Variants in ABLIM1 observed in about 807,000 individuals in gnomAD.
ABLIM1 encodes actin binding LIM protein 1.
A neutral mutation model predicts 107.0 loss-of-function variants in ABLIM1; 40 were observed. That is an observed-to-expected ratio of 0.37 (90% CI 0.29 to 0.49). The LOEUF (loss-of-function observed/expected upper bound fraction) is 0.49. Among genes scored for constraint, ABLIM1 ranks in the 20% least tolerant of loss-of-function variants. The probability of loss-of-function intolerance (pLI) is 0.97; values close to 1 mark genes in which losing one functional copy is unlikely to be tolerated. For synonymous variants in ABLIM1, 357 were observed against 357.3 expected (o/e 1.00, Z 0.01); for missense variants, 857 against 1,008.5 (o/e 0.85, Z 2.04).
intron 2 of ABLIM1, among the ~76,000 whole-genome samples, chr10:114,585,246 T>C (rs942028069): frequency 1.3e-5 from 2 of 152,222 alleles, no homozygotes; most frequent in Non-Finnish European, 2.9e-5. Context: ...CTACATTCTC[T>C]ACTATTCCTT....
At chr10:114,742,698 G>A (rs1413015883) in intron 1 of ABLIM1, among the ~76,000 whole-genome samples, 1 of 152,124 alleles carries the variant, frequency 6.6e-6, no homozygotes, top group Non-Finnish European at 1.5e-5. Flanking sequence ...GGAGGCTGAG[G>A]CAGGCAGATC....
At chr10:114,443,247 GTA>G (rs899649735) in intron 17 of ABLIM1, among the ~76,000 whole-genome samples, 1 of 152,096 alleles carries the variant, frequency 6.6e-6, no homozygotes, top group African/African-American at 2.4e-5. Context: ...TCAGCCCAGT[GTA>G]TAAGTCATCT....
chr10:114,749,668 T>C (rs759183938), intron 1 of ABLIM1, among the ~76,000 whole-genome samples: 1 of 152,036 alleles, frequency 6.6e-6, no homozygotes, highest in Non-Finnish European at 1.5e-5. Context: ...GTCCTCAAGG[T>C]GGTTCACAAG....
At chr10:114,451,512 G>A in intron 14 of ABLIM1, 112 bp downstream of exon 14, 2 of 950,752 alleles carry the variant, frequency 2.1e-6, no homozygotes, top group South Asian at 2.6e-5. Flanking sequence ...TATGCTGGAT[G>A]CCCCAGTTTT....
chr10:114,726,269 T>C (rs2081957222), intron 1 of ABLIM1, among the ~76,000 whole-genome samples: 1 of 152,144 alleles, frequency 6.6e-6, no homozygotes, highest in Non-Finnish European at 1.5e-5. Flanking sequence ...AAAGGTTTTG[T>C]GAGTTTGTTA....
chr10:114,693,127 T>C (rs911082939), intron 1 of ABLIM1, among the ~76,000 whole-genome samples: 3 of 152,098 alleles, frequency 2.0e-5, no homozygotes, highest in African/African-American at 4.8e-5. Context: ...AGGCCAGCTG[T>C]TTTCTAGCTA....
chr10:114,573,259 G>A (rs1482847392), intron 3 of ABLIM1, among the ~76,000 whole-genome samples: 2 of 152,154 alleles, frequency 1.3e-5, no homozygotes, highest in Non-Finnish European at 2.9e-5. Context: ...CCCTTAAACC[G>A]TGAGCCTCAA....
upstream of ABLIM1, among the ~76,000 whole-genome samples, chr10:114,662,794 A>G (rs1325776709): frequency 3.9e-5 from 6 of 152,224 alleles, no homozygotes; most frequent in Admixed American, 3.9e-4. Context: ...TGGCACTCTG[A>G]GGACTGAAGC....
intron 6 of ABLIM1, among the ~76,000 whole-genome samples, chr10:114,534,650 A>G (rs184734428): frequency 1.3e-5 from 2 of 152,246 alleles, no homozygotes; most frequent in East Asian, 3.9e-4. Flanking sequence ...ACCCCGCCGC[A>G]TGTGGGGCTC....
chr10:114,670,442 G>A (rs997791376), intron 1 of ABLIM1, among the ~76,000 whole-genome samples: 3 of 152,166 alleles, frequency 2.0e-5, no homozygotes, highest in Non-Finnish European at 2.9e-5. Context: ...TTGAGAAATG[G>A]AAATACAATC....
At chr10:114,584,979 C>T (rs146073063) in intron 2 of ABLIM1, among the ~76,000 whole-genome samples, 155 of 151,932 alleles carry the variant, frequency 1.0e-3, no homozygotes, top group African/African-American at 3.5e-3. Flanking sequence ...ACAATGATAT[C>T]ATACAGAAAT....
chr10:114,437,916 T>C lies in ABLIM1; in HGVS notation c.2151A>G (p.Pro717=), dbSNP rs533821663. The C allele has an allele frequency of 1.4e-5, 22 of 1,613,916 alleles. No individual in the cohort carries two copies. Among genetic ancestry groups the C allele is most frequent in the Middle Eastern group, 1.6e-4 (1 of 6,062 alleles). The change falls in exon 22 of 23, where the codon CCA becomes CCG. Residue 717 remains proline, a synonymous_variant. Coordinates refer to ENST00000533213, the MANE Select transcript of ABLIM1 (RefSeq NM_002313.7). ...TGTTGGTCACCATGAGCATTTCATA[T>C]GGAAATATCTGAGAAGAAAGAAAAC... ...MPNMLEPKIF[P]YEMLMVTNRG...
At chr10:114,670,227 T>C (rs1188037946) in intron 1 of ABLIM1, among the ~76,000 whole-genome samples, 1 of 152,126 alleles carries the variant, frequency 6.6e-6, no homozygotes, top group East Asian at 1.9e-4. Context: ...GCTGTTCCAG[T>C]TCCCCTTCAG....
chr10:114,537,499 C>T (rs1004164846), intron 6 of ABLIM1, among the ~76,000 whole-genome samples: 2 of 152,146 alleles, frequency 1.3e-5, no homozygotes, highest in Non-Finnish European at 2.9e-5. Flanking sequence ...CATTCACCAA[C>T]CTAAGAGATC....
At chr10:114,726,311 C>T (rs191704239) in intron 1 of ABLIM1, among the ~76,000 whole-genome samples, 2 of 152,096 alleles carry the variant, frequency 1.3e-5, no homozygotes, top group Admixed American at 6.5e-5. Flanking sequence ...AAGAAACATT[C>T]GAGACTGGGT....
At chr10:114,771,096 G>A (rs1337323267), upstream of ABLIM1, among the ~76,000 whole-genome samples, 1 of 151,844 alleles carries the variant, frequency 6.6e-6, no homozygotes, top group Non-Finnish European at 1.5e-5. Context: ...TTCCCACAGT[G>A]CTGGGATTAC....
At chr10:114,482,231 C>T (rs1007462059) in intron 8 of ABLIM1, among the ~76,000 whole-genome samples, 5 of 152,174 alleles carry the variant, frequency 3.3e-5, no homozygotes, top group African/African-American at 1.2e-4. Flanking sequence ...GTGAGTGGAA[C>T]CAGAATACGT....
the ABLIM1 span, among the ~76,000 whole-genome samples, chr10:114,788,401 G>A: frequency 6.7e-6 from 1 of 150,166 alleles, no homozygotes; most frequent in African/African-American, 2.5e-5. Flanking sequence ...TAGCAGAGCT[G>A]TGAGTCAACT....
chr10:114,638,831 T>C (rs1044872798), intron 1 of ABLIM1, among the ~76,000 whole-genome samples: 3 of 152,182 alleles, frequency 2.0e-5, no homozygotes, highest in Non-Finnish European at 4.4e-5. Context: ...TGGAAGGACC[T>C]GTCAGGTGAA....
Sources: gnomAD v4.1 joint callset for allele counts (sites outside exome capture counted in the v4.1 genomes callset) on GRCh38, gnomAD v4.1.1 for gene constraint, MANE v1.5 for transcripts, NCBI Gene and HGNC (gene_info 2026-07-23, HGNC 2026-07-21) for gene names.